FNTB: variants seen among roughly 807,000 people sequenced by gnomAD.
FNTB encodes the protein farnesyltransferase, CAAX box, subunit beta.
FNTB carries 27 observed loss-of-function variants against 59.4 expected under a neutral mutation model. The ratio of observed to expected loss-of-function variants is 0.45; its 90% CI spans 0.34 to 0.63. The LOEUF (loss-of-function observed/expected upper bound fraction) is 0.63, where lower values mean the gene tolerates loss of function less well. Ranked by LOEUF, FNTB falls within the 20% of genes least tolerant of loss-of-function variation. The pLI is 0.02. For missense variants in FNTB, 449 were observed against 559.6 expected (o/e 0.80, Z 1.99); for synonymous variants, 230 against 220.7 (o/e 1.04, Z -0.37).
At chr14:64,993,748 G>C (rs1333659830) in intron 1 of FNTB, among the ~76,000 whole-genome samples, 1 of 152,210 alleles carries the variant, frequency 6.6e-6, no homozygotes, top group Non-Finnish European at 1.5e-5. Flanking sequence ...GCTTTAGATA[G>C]AAGCTGTGAA....
intron 7 of FNTB, among the ~76,000 whole-genome samples, chr14:65,036,039 C>T (rs1228031249): frequency 6.6e-6 from 1 of 152,014 alleles, no homozygotes; most frequent in Non-Finnish European, 1.5e-5. Context: ...CACTGTGTTG[C>T]CCAGGCTGGT....
In FNTB at chr14:65,027,435, C is replaced by T. The variant is rs369439257; in HGVS notation, c.375-18C>T. Reference sequence around the variant, plus strand: ...AATGCTCTCTGACTTTGTTTTTGCCCTTTGGCTGTGTACCTAGTGTGTGTC... The same window carrying T: ...AATGCTCTCTGACTTTGTTTTTGCCTTTTGGCTGTGTACCTAGTGTGTGTC... On this transcript the variant is annotated intron_variant, in intron 4 of 11. Transcript: ENST00000246166. The surrounding 1 kb of genome is among the most constrained non-coding windows in gnomAD (Gnocchi z 5.7). 2 of 1,612,364 alleles carry T rather than the reference C, an allele frequency of 1.2e-6. No individual in the cohort carries two copies. Among genetic ancestry groups the T allele is most frequent in the Admixed American group, 1.7e-5 (1 of 59,532 alleles).
rs2062062177 is a variant in FNTB at position 65,030,620 on chromosome 14, T to C, written c.606-1990T>C. 1.3e-5 allele frequency among the ~76,000 whole-genome samples: 2 copies of C among 152,014 alleles called. No homozygotes were observed. Among genetic ancestry groups the C allele is most frequent in the African/African-American group, 4.8e-5 (2 of 41,398 alleles). Reference sequence around the variant, plus strand: ...AGCCAGGTGTGGTGGCATGCATCTGTAGCCTCAGCTGCTTAGGAGGCTGAG... The same window carrying C: ...AGCCAGGTGTGGTGGCATGCATCTGCAGCCTCAGCTGCTTAGGAGGCTGAG... On this transcript the variant is annotated intron_variant, in intron 6 of 11. Coordinates refer to ENST00000246166, the MANE Select transcript of FNTB (RefSeq NM_002028.4). The surrounding 1 kb of genome is among the most constrained non-coding windows in gnomAD (Gnocchi z 4.5).
intron 7 of FNTB, among the ~76,000 whole-genome samples, chr14:65,033,165 G>T (rs2062118742): frequency 6.6e-6 from 1 of 152,242 alleles, no homozygotes; most frequent in Admixed American, 6.5e-5. Context: ...ATGTAGCAGT[G>T]AAAATGAATG....
At position 65,027,105 on chromosome 14, in the gene FNTB, C is replaced by T. The variant is rs2061996906; in HGVS notation, c.375-348C>T. On this transcript the variant is annotated intron_variant, in intron 4 of 11. Transcript: ENST00000246166. The surrounding 1 kb of genome is among the most constrained non-coding windows in gnomAD (Gnocchi z 5.7). ...GAGGAGGAGGCTGGTACCACAGGTCCAGGGCAGCAAGTTGAGTGGAAAGTC... is the reference window on the plus strand; with the variant it reads ...GAGGAGGAGGCTGGTACCACAGGTCTAGGGCAGCAAGTTGAGTGGAAAGTC... Among the ~76,000 whole-genome samples the T allele has an allele frequency of 6.6e-6, 1 of 152,092 alleles. No individual in the cohort carries two copies. Among genetic ancestry groups the T allele is most frequent in the Admixed American group, 6.6e-5 (1 of 15,262 alleles).
At chr14:65,052,491 A>G (rs148799186) in intron 9 of FNTB, among the ~76,000 whole-genome samples, 1 of 152,354 alleles carries the variant, frequency 6.6e-6, no homozygotes, top group Non-Finnish European at 1.5e-5. Flanking sequence ...ATCGATTTCT[A>G]TGCAGATGTT....
At chr14:65,051,973 T>A (rs993717336) in intron 9 of FNTB, among the ~76,000 whole-genome samples, 3 of 152,004 alleles carry the variant, frequency 2.0e-5, no homozygotes, top group South Asian at 2.1e-4. Flanking sequence ...TTTTTTGTAT[T>A]TTTAGTAGAG....
intron 4 of FNTB, among the ~76,000 whole-genome samples, chr14:65,026,861 C>CAA (rs577920846): frequency 7.4e-6 from 1 of 135,624 alleles, no homozygotes; most frequent in South Asian, 2.4e-4. Flanking sequence ...AACCCCGCCT[C>CAA]AAAAAAAAAA....
chr14:65,055,874 A>G (rs2139682834), intron 11 of FNTB, among the ~76,000 whole-genome samples: 1 of 152,336 alleles, frequency 6.6e-6, no homozygotes, highest in African/African-American at 2.4e-5. Context: ...CAAATGGCCA[A>G]TAGATAGTTG....
chr14:65,011,904 G>A lies in FNTB; in HGVS notation c.210-413G>A, dbSNP rs759086619. Among the ~76,000 whole-genome samples, 2 of 152,162 alleles carry A rather than the reference G, an allele frequency of 1.3e-5. No individual in the cohort carries two copies. The highest frequency in any genetic ancestry group is 2.4e-5 in the African/African-American group (1 of 41,438). Reference sequence around the variant, plus strand: ...CAGACGGGGTGACTGAAATGACAGCGGCTGAGGCAGGGAAGTGGCGAGGCT... The same window carrying A: ...CAGACGGGGTGACTGAAATGACAGCAGCTGAGGCAGGGAAGTGGCGAGGCT... On this transcript the variant is annotated intron_variant, in intron 2 of 11. Coordinates refer to ENST00000246166, the MANE Select transcript of FNTB (RefSeq NM_002028.4). The surrounding 1 kb of genome is among the most constrained non-coding windows in gnomAD (Gnocchi z 4.0).
At position 65,061,434 on chromosome 14, in the gene FNTB, C is replaced by T; in HGVS notation, c.*122C>T. On this transcript the variant is annotated 3_prime_UTR_variant, in exon 12 of 12. Transcript: ENST00000246166. ...TTAGCCTCAGTGGAGCTGTGGTTCTCTTGGTACTTTCTTGTCAAACAAAAC... is the reference window on the plus strand; with the variant it reads ...TTAGCCTCAGTGGAGCTGTGGTTCTTTTGGTACTTTCTTGTCAAACAAAAC... The T allele has an allele frequency of 7.0e-7, 1 of 1,434,112 alleles. No homozygotes were observed. The highest frequency in any genetic ancestry group is 1.4e-5 in the South Asian group (1 of 69,302). 88.8% of individuals were successfully genotyped at this position (1,434,112 alleles called of 1,614,324 possible). A position where few individuals can be genotyped will look rare whatever the true frequency, so the allele number is the denominator to read the frequency against.
chr14:65,032,681 C>A lies in FNTB; in HGVS notation c.677C>A (p.Ala226Asp). The stretch of plus-strand genomic sequence containing the variant: ...ACTCCAGACCTCTTTGAGGGCACTG[C>A]TGAATGGATAGCAAGGTGAGAGAAG... ...IITPDLFEGT[A>D]EWIARCQNWE... The change falls in exon 7 of 12, where the codon GCT (alanine) becomes GAT (aspartate). Residue 226 changes from alanine (A) to aspartate (D), a missense_variant. Transcript: ENST00000246166. This position sits in a 1 kb window ranked among gnomAD's most constrained non-coding sequence, Gnocchi z 5.0. 1 of 1,613,816 alleles carries A rather than the reference C, an allele frequency of 6.2e-7. No homozygotes were observed.
At chr14:65,016,426 C>A (rs1013657431) in intron 4 of FNTB, 4 of 152,248 alleles carry the variant, frequency 2.6e-5, no homozygotes, top group Non-Finnish European at 5.9e-5. Context: ...TCCAAGAGAT[C>A]CACTGAGAGG....
In FNTB at chr14:65,032,657, C is replaced by T; in HGVS notation, c.653C>T (p.Thr218Ile). The change falls in exon 7 of 12, where the codon ACT becomes ATT. Residue 218 changes from threonine to isoleucine, a missense_variant. Physicochemically the swap from Thr to Ile is moderately conservative, Grantham distance 89 (BLOSUM62 -1). This residue lies in a region of FNTB where 337 missense variants were observed against 479.1 expected (regional missense o/e 0.70). Coordinates refer to ENST00000246166, the MANE Select transcript of FNTB (RefSeq NM_002028.4). This position sits in a 1 kb window ranked among gnomAD's most constrained non-coding sequence, Gnocchi z 5.0. ...ASVASLTNII[T>I]PDLFEGTAEW... is the part of the protein sequence containing the mutation. ...GTAGCCTCGCTGACCAACATCATCACTCCAGACCTCTTTGAGGGCACTGCT... is the reference window on the plus strand; with the variant it reads ...GTAGCCTCGCTGACCAACATCATCATTCCAGACCTCTTTGAGGGCACTGCT... The T allele has an allele frequency of 5.0e-6, 8 of 1,614,004 alleles. No individual in the cohort carries two copies. The highest frequency in any genetic ancestry group is 4.4e-5 in the South Asian group (4 of 91,056).
chr14:65,059,363 T>C (rs1330992356), intron 11 of FNTB, among the ~76,000 whole-genome samples: 2 of 152,090 alleles, frequency 1.3e-5, no homozygotes, highest in African/African-American at 4.8e-5. Context: ...AAAAGGTTTG[T>C]ATAGATCAGA....
chr14:64,999,953 G>T (rs181608313), intron 1 of FNTB, among the ~76,000 whole-genome samples: 1 of 152,144 alleles, frequency 6.6e-6, no homozygotes, highest in Non-Finnish European at 1.5e-5. Context: ...CCATGTTTTT[G>T]TCAGGTGTCT....
In FNTB at chr14:64,986,904, T is replaced by C. The variant is rs769681975; in HGVS notation, c.-50T>C. On this transcript the variant is annotated 5_prime_UTR_variant, in exon 1 of 12. Transcript: ENST00000246166. ...AGCCCGCTCGAGTTTCAATGCGCGT[T>C]GTTGCTTAACGAAGCAGAGTCCTAC... 1.9e-6 allele frequency: 3 copies of C among 1,609,010 alleles called. No homozygotes were observed. The highest frequency in any genetic ancestry group is 3.3e-5 in the Admixed American group (2 of 59,982).
rs1275160452 is a variant in FNTB at position 65,032,811 on chromosome 14, G to T, written c.692+115G>T. The T allele has an allele frequency of 1.1e-6, 1 of 947,026 alleles. No individual in the cohort carries two copies. Among genetic ancestry groups the T allele is most frequent in the Admixed American group, 3.2e-5 (1 of 31,616 alleles). The allele number at this position is 947,026 out of a possible 1,614,324, so 58.7% of individuals were successfully genotyped here. On this transcript the variant is annotated intron_variant, in intron 7 of 11. Coordinates refer to ENST00000246166, the MANE Select transcript of FNTB (RefSeq NM_002028.4). The surrounding 1 kb of genome is among the most constrained non-coding windows in gnomAD (Gnocchi z 5.0). ...GGAAGGAAATACAAAAATCACAGGA[G>T]ATCCATTAGGGTTATCTAATGATTT... is the stretch of plus-strand genomic sequence containing the variant.
rs562168283 is a variant in FNTB at position 65,017,657 on chromosome 14, T to G, written c.374+1941T>G. On this transcript the variant is annotated intron_variant, in intron 4 of 11. Transcript: ENST00000246166. ...AACAGTAGAGAATGTTTAAAAAAAA[T>G]TTTTTTTAAATGTAAAGCTGGGTGT... Among the ~76,000 whole-genome samples, 6 of 152,156 alleles carry G rather than the reference T, an allele frequency of 3.9e-5. No homozygotes were observed. In the East Asian group the frequency reaches 1.2e-3, roughly 29 times the overall value.
Sources: allele counts gnomAD v4.1 joint callset (sites outside exome capture counted in the v4.1 genomes callset), GRCh38; gene constraint gnomAD v4.1.1; regional missense constraint gnomAD v4.1.1; non-coding constraint Gnocchi (gnomAD v3.1); transcripts MANE v1.5; gene names NCBI Gene and HGNC (gene_info 2026-07-23, HGNC 2026-07-21).